ARHGAP24: variants seen among roughly 807,000 people sequenced by gnomAD.
The protein encoded by ARHGAP24 is Rho GTPase activating protein 24.
A neutral mutation model predicts 76.4 loss-of-function variants in ARHGAP24; 50 were observed. The observed-to-expected ratio is 0.65, with a 90% confidence interval of 0.52 to 0.83. The LOEUF (loss-of-function observed/expected upper bound fraction) is 0.83. Among genes scored for constraint, ARHGAP24 ranks in the 40% least tolerant of loss-of-function variants. The probability of loss-of-function intolerance (pLI) is 0.00; values close to 1 mark genes in which losing one functional copy is unlikely to be tolerated. For synonymous variants in ARHGAP24, 345 were observed against 323.3 expected (o/e 1.07, Z -0.72); for missense variants, 930 against 914.2 (o/e 1.02, Z -0.22).
chr4:85,886,771 TTTAAA>T (rs1361118227), intron 3 of ARHGAP24, among the ~76,000 whole-genome samples: 21 of 152,234 alleles, frequency 1.4e-4, no homozygotes, highest in African/African-American at 4.1e-4. Context: ...AATAAAATAG[TTTAAA>T]TTAACCCCTA....
At chr4:85,930,839 A>G in intron 4 of ARHGAP24, 5 of 1,592,430 alleles carry the variant, frequency 3.1e-6, no homozygotes, top group Non-Finnish European at 4.3e-6. Context: ...AAAAATAACA[A>G]GTAAACAAGC....
intron 3 of ARHGAP24, among the ~76,000 whole-genome samples, chr4:85,906,008 T>C (rs1012413745): frequency 5.3e-5 from 8 of 152,326 alleles, no homozygotes; most frequent in African/African-American, 1.9e-4. Context: ...ACTGCTAAGC[T>C]GTATTTAACC....
chr4:85,788,148 A>G (rs772827179), intron 3 of ARHGAP24, among the ~76,000 whole-genome samples: 11 of 152,122 alleles, frequency 7.2e-5, no homozygotes, highest in Non-Finnish European at 1.6e-4. Flanking sequence ...AGAGATGCCT[A>G]TGTGCGCAGG....
intron 3 of ARHGAP24, among the ~76,000 whole-genome samples, chr4:85,737,878 C>T (rs1467767153): frequency 6.6e-6 from 1 of 152,102 alleles, no homozygotes; most frequent in African/African-American, 2.4e-5. Context: ...TCCATATTCT[C>T]TTTGATTATA....
At chr4:85,512,035 A>G (rs569786210) in intron 1 of ARHGAP24, among the ~76,000 whole-genome samples, 53 of 152,238 alleles carry the variant, frequency 3.5e-4, no homozygotes, top group African/African-American at 1.1e-3. Flanking sequence ...CTACTCCCTT[A>G]TGGCATCCGT....
intron 8 of ARHGAP24, chr4:85,991,904 A>G (rs1198230382): frequency 1.3e-5 from 5 of 372,558 alleles, no homozygotes; most frequent in Non-Finnish European, 2.4e-5. Context: ...ATCTACATAT[A>G]TTTTTGCATT....
chr4:85,611,606 C>T lies in ARHGAP24; in HGVS notation c.180+40885C>T, dbSNP rs867697059. On this transcript the variant is annotated intron_variant, in intron 2 of 9. Transcript: ENST00000395184. The stretch of plus-strand genomic sequence containing the variant: ...TCACTAACTCTTTACCTGCACTGTC[C>T]GACAGTAGTCCCTGTCCTCACCACT... Among the ~76,000 whole-genome samples, 22 of 152,304 alleles carry T rather than the reference C, an allele frequency of 1.4e-4. No homozygotes were observed. The South Asian group carries it at 3.7e-3, about 26-fold the overall frequency.
intron 3 of ARHGAP24, among the ~76,000 whole-genome samples, chr4:85,811,893 T>G (rs1045619987): frequency 6.6e-6 from 1 of 152,224 alleles, no homozygotes; most frequent in African/African-American, 2.4e-5. Flanking sequence ...AATGTGTTTT[T>G]GGCTGGGCGT....
At position 85,995,096 on chromosome 4, in the gene ARHGAP24, C is replaced by T. The variant is rs147870358; in HGVS notation, c.1442C>T (p.Thr481Met). The T allele has an allele frequency of 1.3e-3, 2,032 of 1,613,994 alleles. 4 individuals carry two copies. Among genetic ancestry groups the T allele is most frequent in the Admixed American group, 2.7e-3 (162 of 60,004 alleles). The change falls in exon 9 of 10, where the codon ACG becomes ATG. Residue 481 changes from threonine to methionine, a missense_variant. Physicochemically the swap from Thr to Met is moderately conservative, Grantham distance 81. Coordinates refer to ENST00000395184, the MANE Select transcript of ARHGAP24 (RefSeq NM_001025616.3). ...KMGTHSVQNG[T>M]VRMGILNSDT... ...GGCACGCACAGTGTACAGAATGGAA[C>T]GGTGCGCATGGGCATTTTGAACAGC...
chr4:85,818,669 C>T (rs1390963924), intron 3 of ARHGAP24, among the ~76,000 whole-genome samples: 1 of 152,166 alleles, frequency 6.6e-6, no homozygotes, highest in Non-Finnish European at 1.5e-5. Context: ...TTGCTGACCA[C>T]AACAGTCAGG....
intron 2 of ARHGAP24, among the ~76,000 whole-genome samples, chr4:85,677,868 C>T (rs1312071055): frequency 6.6e-6 from 1 of 152,058 alleles, no homozygotes; most frequent in Non-Finnish European, 1.5e-5. Context: ...AAAAACATAG[C>T]AAGACCCTAT....
At chr4:85,522,792 C>T (rs925433596) in intron 1 of ARHGAP24, among the ~76,000 whole-genome samples, 1 of 152,140 alleles carries the variant, frequency 6.6e-6, no homozygotes, top group Admixed American at 6.5e-5. Context: ...GCAATGTTAT[C>T]CTGTGTCAGT....
At chr4:85,698,965 C>A (rs1723971052) in intron 2 of ARHGAP24, among the ~76,000 whole-genome samples, 1 of 152,136 alleles carries the variant, frequency 6.6e-6, no homozygotes, top group South Asian at 2.1e-4. Context: ...CCCACTTGCT[C>A]CTCCTTTGAC....
At chr4:85,673,152 T>TGCTA (rs1466755234) in intron 2 of ARHGAP24, among the ~76,000 whole-genome samples, 1 of 152,182 alleles carries the variant, frequency 6.6e-6, no homozygotes, top group African/African-American at 2.4e-5. Flanking sequence ...ATAGCAGCTG[T>TGCTA]GCTACCCTGT....
intron 3 of ARHGAP24, among the ~76,000 whole-genome samples, chr4:85,851,244 C>T (rs1356912868): frequency 3.9e-5 from 6 of 152,142 alleles, no homozygotes; most frequent in Admixed American, 3.9e-4. Flanking sequence ...GGTTTAAAAT[C>T]TGTTTTATCA....
At chr4:85,795,735 T>TA (rs11393961) in intron 3 of ARHGAP24, among the ~76,000 whole-genome samples, 39,980 of 150,264 alleles carry the variant, frequency 0.27, 5,577 homozygotes, top group African/African-American at 0.32. Context: ...TGTAATATGG[T>TA]AAAAAAAAAA....
At chr4:85,853,612 G>C (rs115526314) in intron 3 of ARHGAP24, among the ~76,000 whole-genome samples, 4 of 152,096 alleles carry the variant, frequency 2.6e-5, no homozygotes, top group African/African-American at 9.6e-5. Flanking sequence ...ATCTTGGAAC[G>C]GACCTAAATG....
At chr4:85,876,352 G>A (rs1286544983) in intron 3 of ARHGAP24, among the ~76,000 whole-genome samples, 1 of 152,144 alleles carries the variant, frequency 6.6e-6, no homozygotes, top group Non-Finnish European at 1.5e-5. Context: ...TCTTTAGTTT[G>A]TTGGAAGGAA....
At chr4:85,894,940 A>G (rs1734056944) in intron 3 of ARHGAP24, among the ~76,000 whole-genome samples, 1 of 105,498 alleles carries the variant, frequency 9.5e-6, no homozygotes, top group Non-Finnish European at 1.8e-5. Flanking sequence ...TAGCCTGGGC[A>G]ACAGAATGAG....
Sources: gnomAD v4.1 joint callset for allele counts (sites outside exome capture counted in the v4.1 genomes callset) on GRCh38, gnomAD v4.1.1 for gene constraint, MANE v1.5 for transcripts, NCBI Gene and HGNC (gene_info 2026-07-23, HGNC 2026-07-21) for gene names.